CLEC16A: variants seen among roughly 807,000 people sequenced by gnomAD.
CLEC16A encodes the protein protein CLEC16A.
Under a neutral mutation model 109.5 loss-of-function variants are expected in CLEC16A, and 51 were observed. That is an observed-to-expected ratio of 0.47 (90% CI 0.37 to 0.59). The LOEUF is 0.59. Ranked by LOEUF, CLEC16A falls within the 20% of genes least tolerant of loss-of-function variation. The pLI, the probability that CLEC16A is intolerant of heterozygous loss-of-function variation, is 0.00. For synonymous variants in CLEC16A, 673 were observed against 564.2 expected (o/e 1.19, Z -2.73); for missense variants, 1,339 against 1,394.0 (o/e 0.96, Z 0.63).
At chr16:11,132,240 C>A (rs1489315620) in intron 22 of CLEC16A, among the ~76,000 whole-genome samples, 2 of 140,246 alleles carry the variant, frequency 1.4e-5, no homozygotes, top group Admixed American at 1.4e-4. Context: ...ACCCACCCCC[C>A]CCGCCCCCGC....
chr16:10,987,108 A>C (rs2043715121), intron 10 of CLEC16A, among the ~76,000 whole-genome samples: 1 of 151,900 alleles, frequency 6.6e-6, no homozygotes, highest in Admixed American at 6.6e-5. Context: ...TGCCCGTCTT[A>C]GCCTCCCAAT....
chr16:11,108,624 C>T (rs2051366506), intron 19 of CLEC16A, among the ~76,000 whole-genome samples: 1 of 152,228 alleles, frequency 6.6e-6, no homozygotes, highest in Non-Finnish European at 1.5e-5. Context: ...GTGTGAAGTT[C>T]ACATGGCCAT....
chr16:11,065,432 C>G (rs1292864135), intron 19 of CLEC16A, among the ~76,000 whole-genome samples: 1 of 152,186 alleles, frequency 6.6e-6, no homozygotes, highest in Non-Finnish European at 1.5e-5. Flanking sequence ...ATTCGTGAAG[C>G]CCATTCAATG....
chr16:10,985,120 G>T (rs564193912), intron 10 of CLEC16A, among the ~76,000 whole-genome samples: 87 of 150,252 alleles, frequency 5.8e-4, no homozygotes, highest in African/African-American at 2.1e-3. Context: ...GGAGAATGGC[G>T]TGAACCCAGG....
intron 19 of CLEC16A, among the ~76,000 whole-genome samples, chr16:11,117,272 A>AAACTGTATACTTAAAATAGGTG (rs1597440928): frequency 1.3e-5 from 2 of 152,238 alleles, no homozygotes; most frequent in Non-Finnish European, 2.9e-5. Flanking sequence ...TAAAATAGGT[A>AAACTGTATACTTAAAATAGGTG]AACTGTATAC....
chr16:11,097,052 A>G (rs1208830232), intron 19 of CLEC16A, among the ~76,000 whole-genome samples: 1 of 152,196 alleles, frequency 6.6e-6, no homozygotes, highest in Non-Finnish European at 1.5e-5. Context: ...TTAGTTTCCC[A>G]GTATCTGTGA....
chr16:10,979,522 G>A, intron 9 of CLEC16A, 140 bp downstream of exon 9: 3 of 706,428 alleles, frequency 4.2e-6, no homozygotes, highest in Non-Finnish European at 7.2e-6. Context: ...CAAAACAGAA[G>A]GGGCTTTCTG....
intron 11 of CLEC16A, among the ~76,000 whole-genome samples, chr16:11,008,845 A>G (rs1421379274): frequency 6.6e-6 from 1 of 150,686 alleles, no homozygotes; most frequent in African/African-American, 2.4e-5. Context: ...AAAAAAAAAA[A>G]AAAACTAGCC....
intron 10 of CLEC16A, among the ~76,000 whole-genome samples, chr16:11,001,755 C>T (rs2044682722): frequency 6.6e-6 from 1 of 152,142 alleles, no homozygotes; most frequent in South Asian, 2.1e-4. Flanking sequence ...ATCCCTCCCA[C>T]CTCAGCCCCG....
At position 10,961,246 on chromosome 16, in the gene CLEC16A, C is replaced by T. The variant is rs1484917436; in HGVS notation, c.210-1209C>T. On this transcript the variant is annotated intron_variant, in intron 2 of 23. Coordinates refer to ENST00000409790, the MANE Select transcript of CLEC16A (RefSeq NM_015226.3). This position sits in a 1 kb window ranked among gnomAD's most constrained non-coding sequence, Gnocchi z 4.3. ...TGAATGGCATTTACAGGCAGATGGG[C>T]CTCCGAGTTGGAGAAGATTGTAAGG... 2.0e-5 allele frequency among the ~76,000 whole-genome samples: 3 copies of T among 152,276 alleles called. No individual in the cohort carries two copies. The East Asian group carries it at 5.8e-4, about 29-fold the overall frequency.
intron 19 of CLEC16A, among the ~76,000 whole-genome samples, chr16:11,102,669 A>G (rs1049453731): frequency 3.3e-5 from 5 of 152,208 alleles, no homozygotes; most frequent in Admixed American, 1.3e-4. Context: ...GACTGAGGCC[A>G]CACAGCCTAG....
In CLEC16A at chr16:11,024,807, C is replaced by T; in HGVS notation, c.1437-14C>T. 1 of 1,578,084 alleles carries T rather than the reference C, an allele frequency of 6.3e-7. No homozygotes were observed. On this transcript the variant is annotated splice_polypyrimidine_tract_variant and intron_variant, in intron 12 of 23. Coordinates refer to ENST00000409790, the MANE Select transcript of CLEC16A (RefSeq NM_015226.3). ...TGCACCGTGAGGCTCATACATGCCC[C>T]TCCTCTTTTCCAGACCCTTCCTGGA...
At chr16:10,983,503 G>A (rs1310253626) in intron 10 of CLEC16A, among the ~76,000 whole-genome samples, 1 of 152,178 alleles carries the variant, frequency 6.6e-6, no homozygotes, top group Non-Finnish European at 1.5e-5. Flanking sequence ...AGAGAAGCGG[G>A]AAAAACGCAT....
intron 19 of CLEC16A, chr16:11,070,989 G>T (rs755443400): frequency 2.0e-5 from 3 of 152,216 alleles, no homozygotes; most frequent in Non-Finnish European, 2.9e-5. Flanking sequence ...TAAAGATTCT[G>T]CAGGATCCAA....
chr16:11,114,341 C>G (rs564504789), intron 19 of CLEC16A, among the ~76,000 whole-genome samples: 115 of 152,240 alleles, frequency 7.6e-4, no homozygotes, highest in Non-Finnish European at 1.3e-4. Flanking sequence ...CTAAGCCCCA[C>G]CCCTGTAGAA....
At chr16:11,162,101 C>G (rs1219317597) in intron 22 of CLEC16A, among the ~76,000 whole-genome samples, 1 of 152,242 alleles carries the variant, frequency 6.6e-6, no homozygotes. Flanking sequence ...CTGACCTTTT[C>G]TTGGTATTTT....
intron 10 of CLEC16A, among the ~76,000 whole-genome samples, chr16:10,992,535 TA>T (rs144132560): frequency 2.5e-5 from 3 of 119,442 alleles, no homozygotes; most frequent in African/African-American, 7.6e-5. Flanking sequence ...ATGCATCCAT[TA>T]AAAAATAAAA....
intron 17 of CLEC16A, 166 bp downstream of exon 17, chr16:11,047,508 T>G (rs2047697603): frequency 2.2e-6 from 1 of 450,746 alleles, no homozygotes; most frequent in Admixed American, 4.2e-5. Context: ...CCCACCACTG[T>G]TAAAATTTCA....
chr16:11,078,709 T>C (rs1358899122), intron 19 of CLEC16A, among the ~76,000 whole-genome samples: 3 of 152,138 alleles, frequency 2.0e-5, no homozygotes, highest in Non-Finnish European at 4.4e-5. Context: ...CCATGTCAGA[T>C]GAAATCCTGG....
Sources: gnomAD v4.1 joint callset for allele counts (sites outside exome capture counted in the v4.1 genomes callset) on GRCh38, gnomAD v4.1.1 for gene constraint, Gnocchi (gnomAD v3.1) non-coding constraint, MANE v1.5 for transcripts, NCBI Gene and HGNC (gene_info 2026-07-23, HGNC 2026-07-21) for gene names.